The following CDH13 variants were observed in gnomAD, a reference collection of about 807,000 sequenced individuals.
CDH13 encodes cadherin-13.
CDH13 carries 24 observed loss-of-function variants against 63.8 expected under a neutral mutation model. That is an observed-to-expected ratio of 0.38 (90% CI 0.27 to 0.53). The LOEUF (loss-of-function observed/expected upper bound fraction) is 0.53, where lower values mean the gene tolerates loss of function less well. Ranked by LOEUF, CDH13 falls within the 20% of genes least tolerant of loss-of-function variation. CDH13 has a pLI of 0.85. For synonymous variants in CDH13, 503 were observed against 355.3 expected (o/e 1.42, Z -4.67); for missense variants, 1,049 against 903.1 (o/e 1.16, Z -2.07).
intron 5 of CDH13, among the ~76,000 whole-genome samples, chr16:83,337,088 GTTC>G (rs1280198164): frequency 1.3e-5 from 2 of 152,160 alleles, no homozygotes; most frequent in African/African-American, 4.8e-5. Context: ...GGTTCATTAT[GTTC>G]TTGCATTTTT....
intron 11 of CDH13, chr16:83,772,666 G>A (rs1914836461): frequency 1.3e-5 from 2 of 152,100 alleles, no homozygotes; most frequent in Admixed American, 6.5e-5. Flanking sequence ...TAAGTCGCTT[G>A]CCAACGGGTG....
chr16:83,502,441 ACAC>A (rs990464967), intron 7 of CDH13, among the ~76,000 whole-genome samples: 7 of 152,196 alleles, frequency 4.6e-5, no homozygotes, highest in Non-Finnish European at 1.0e-4. Flanking sequence ...AGCTCTGCCC[ACAC>A]CTTGATTTTA....
chr16:83,110,422 G>A (rs1048772308), intron 3 of CDH13, among the ~76,000 whole-genome samples: 2 of 152,218 alleles, frequency 1.3e-5, no homozygotes, highest in African/African-American at 4.8e-5. Context: ...GGGATTTTAT[G>A]CCTTGCAATG....
chr16:83,037,724 A>C (rs1457585871), intron 3 of CDH13, among the ~76,000 whole-genome samples: 1 of 152,194 alleles, frequency 6.6e-6, no homozygotes, highest in Non-Finnish European at 1.5e-5. Context: ...GAAGAACAGC[A>C]TAGTGGTGGG....
chr16:83,188,493 G>T (rs552849538), intron 4 of CDH13, among the ~76,000 whole-genome samples: 1 of 152,172 alleles, frequency 6.6e-6, no homozygotes, highest in South Asian at 2.1e-4. Context: ...AAAGAAGCCA[G>T]CCTCGCTGCC....
intron 1 of CDH13, among the ~76,000 whole-genome samples, chr16:82,730,705 A>C (rs193047071): frequency 4.6e-5 from 7 of 152,364 alleles, no homozygotes; most frequent in African/African-American, 1.7e-4. Context: ...GAAACCTTCA[A>C]TTTGTAAAAT....
chr16:83,447,811 G>A lies in CDH13; in HGVS notation c.782-38666G>A, dbSNP rs184369194. The stretch of plus-strand genomic sequence containing the variant: ...TTTATAATGATTTATATTAAATATC[G>A]ACTGTTTGCCAGGCACCATAGTTAA... On this transcript the variant is annotated intron_variant, in intron 6 of 13. Coordinates refer to ENST00000567109, the MANE Select transcript of CDH13 (RefSeq NM_001257.5). Among the ~76,000 whole-genome samples the A allele has an allele frequency of 2.2e-3, 334 of 149,194 alleles. 3 individuals carry two copies. Among genetic ancestry groups the A allele is most frequent in the African/African-American group, 7.7e-3 (315 of 40,686 alleles).
intron 5 of CDH13, among the ~76,000 whole-genome samples, chr16:83,334,664 C>T (rs1008598300): frequency 3.3e-5 from 5 of 152,124 alleles, no homozygotes; most frequent in African/African-American, 1.2e-4. Flanking sequence ...GCATGAGCCA[C>T]CATACCTGGC....
At chr16:83,469,359 G>C (rs1270589130) in intron 6 of CDH13, among the ~76,000 whole-genome samples, 2 of 152,194 alleles carry the variant, frequency 1.3e-5, no homozygotes, top group African/African-American at 2.4e-5. Flanking sequence ...AAGTTATCCT[G>C]AGGAAGAAAA....
At chr16:83,093,173 C>G (rs529522068) in intron 3 of CDH13, among the ~76,000 whole-genome samples, 3 of 152,132 alleles carry the variant, frequency 2.0e-5, no homozygotes, top group East Asian at 3.9e-4. Flanking sequence ...GTCTCATCTT[C>G]ATTCCCTACT....
At chr16:83,608,555 G>T (rs77642197) in intron 8 of CDH13, among the ~76,000 whole-genome samples, 2 of 151,896 alleles carry the variant, frequency 1.3e-5, no homozygotes, top group Non-Finnish European at 1.5e-5. Flanking sequence ...TCATAGTTTC[G>T]GCTCACTGCA....
intron 3 of CDH13, among the ~76,000 whole-genome samples, chr16:83,068,910 A>G (rs1256217590): frequency 1.3e-5 from 2 of 152,182 alleles, no homozygotes; most frequent in African/African-American, 4.8e-5. Flanking sequence ...GCATTATGAC[A>G]CATGATTGCC....
intron 3 of CDH13, among the ~76,000 whole-genome samples, chr16:83,117,958 A>G (rs972154063): frequency 4.6e-5 from 7 of 152,200 alleles, no homozygotes; most frequent in African/African-American, 1.7e-4. Flanking sequence ...AGACAGGAAG[A>G]TGAAGACCTT....
chr16:83,703,894 G>A lies in CDH13; in HGVS notation c.1538+25433G>A, dbSNP rs545566765. On this transcript the variant is annotated intron_variant, in intron 10 of 13. Transcript: ENST00000567109. ...TACTCCCTGGTACACAACCTTTTCA[G>A]CCACCGTAACATCCATTCAACTGCA... 2.6e-5 allele frequency among the ~76,000 whole-genome samples: 4 copies of A among 152,202 alleles called. No individual in the cohort carries two copies. In the East Asian group the frequency reaches 5.8e-4, roughly 22 times the overall value.
chr16:82,800,177 G>C (rs1314173206), intron 1 of CDH13, among the ~76,000 whole-genome samples: 1 of 151,932 alleles, frequency 6.6e-6, no homozygotes, highest in Non-Finnish European at 1.5e-5. Context: ...TGTTTACTTG[G>C]GGTTAAAATT....
chr16:83,303,595 G>C (rs1001452012), intron 5 of CDH13, among the ~76,000 whole-genome samples: 1 of 151,996 alleles, frequency 6.6e-6, no homozygotes, highest in Non-Finnish European at 1.5e-5. Flanking sequence ...CAGGGAGGGG[G>C]TTGAAGGCCA....
At chr16:83,449,574 C>T (rs2072823179) in intron 6 of CDH13, among the ~76,000 whole-genome samples, 2 of 152,200 alleles carry the variant, frequency 1.3e-5, no homozygotes, top group South Asian at 4.1e-4. Flanking sequence ...AATTTCGCTT[C>T]TACCAACAGT....
chr16:83,286,725 C>A (rs2089324036), intron 5 of CDH13, among the ~76,000 whole-genome samples: 1 of 147,748 alleles, frequency 6.8e-6, no homozygotes. Flanking sequence ...TACTGTATTC[C>A]AGCCTGGGCA....
Position 83,486,737 on chromosome 16 carries a change from G to A in CDH13, c.960+82G>A, listed in dbSNP as rs57457070. Reference sequence around the variant, plus strand: ...AAGGGATGATGTGGGGCTCCAGTCAGTGGTTTTTTTTAATACTGTAAAGGC... The same window carrying A: ...AAGGGATGATGTGGGGCTCCAGTCAATGGTTTTTTTTAATACTGTAAAGGC... On this transcript the variant is annotated intron_variant, in intron 7 of 13. Coordinates refer to ENST00000567109, the MANE Select transcript of CDH13 (RefSeq NM_001257.5). 9.8e-3 allele frequency: 13,382 copies of A among 1,362,846 alleles called. 600 individuals are homozygous for A. The African/African-American group carries it at 0.12, about 12-fold the overall frequency. 84.4% of individuals were successfully genotyped at this position (1,362,846 alleles called of 1,614,324 possible).
Sources: allele counts gnomAD v4.1 joint callset (sites outside exome capture counted in the v4.1 genomes callset), GRCh38; gene constraint gnomAD v4.1.1; transcripts MANE v1.5; gene names NCBI Gene and HGNC (gene_info 2026-07-23, HGNC 2026-07-21).